The following RABGAP1L variants were observed in gnomAD, a reference collection of about 807,000 sequenced individuals.
The protein encoded by RABGAP1L is rab GTPase-activating protein 1-like.
Under a neutral mutation model 137.7 loss-of-function variants are expected in RABGAP1L, and 63 were observed. That is an observed-to-expected ratio of 0.46 (90% confidence interval 0.37 to 0.56). The LOEUF (loss-of-function observed/expected upper bound fraction) is 0.56. Ranked by LOEUF, RABGAP1L falls within the 20% of genes least tolerant of loss-of-function variation. The pLI is 0.00. For synonymous variants in RABGAP1L, 431 were observed against 433.7 expected, an observed-to-expected ratio of 0.99 and a Z score of 0.08; for missense variants, 1,095 against 1,244.0, an observed-to-expected ratio of 0.88 and a Z score of 1.80.
At chr1:174,519,186 A>C (rs1663138790) in intron 13 of RABGAP1L, among the ~76,000 whole-genome samples, 1 of 149,396 alleles carries the variant, frequency 6.7e-6, no homozygotes, top group Non-Finnish European at 1.5e-5. Flanking sequence ...CCATGTGTAA[A>C]TATATATATA....
intron 19 of RABGAP1L, chr1:174,945,498 C>T (rs1233386403): frequency 6.6e-6 from 1 of 151,982 alleles, no homozygotes; most frequent in African/African-American, 2.4e-5. Context: ...CATAATTTAG[C>T]CCCACATTGA....
At chr1:174,178,384 G>A (rs1313032357) in intron 1 of RABGAP1L, among the ~76,000 whole-genome samples, 1 of 152,072 alleles carries the variant, frequency 6.6e-6, no homozygotes, top group Non-Finnish European at 1.5e-5. Flanking sequence ...ATGGGTGGTG[G>A]CAGTATAAAT....
At chr1:174,324,050 A>T (rs1680238066) in intron 11 of RABGAP1L, among the ~76,000 whole-genome samples, 2 of 152,182 alleles carry the variant, frequency 1.3e-5, no homozygotes, top group African/African-American at 4.8e-5. Context: ...TTGGCGTGTT[A>T]TTAACCTGCA....
intron 18 of RABGAP1L, among the ~76,000 whole-genome samples, chr1:174,789,302 G>A (rs1687679402): frequency 6.6e-6 from 1 of 152,052 alleles, no homozygotes; most frequent in African/African-American, 2.4e-5. Flanking sequence ...AGGAATCACT[G>A]CAATTAACCA....
intron 13 of RABGAP1L, among the ~76,000 whole-genome samples, chr1:174,421,726 C>T (rs1010031797): frequency 1.3e-5 from 2 of 152,186 alleles, no homozygotes; most frequent in Non-Finnish European, 2.9e-5. Context: ...GGTCTTCATA[C>T]TGCCTGATGA....
intron 1 of RABGAP1L, among the ~76,000 whole-genome samples, chr1:174,212,903 A>G (rs1669007781): frequency 6.6e-6 from 1 of 152,216 alleles, no homozygotes; most frequent in Admixed American, 6.5e-5. Context: ...AGTGGTTACT[A>G]TGAGCAACTA....
At chr1:174,628,704 C>CT (rs757362230) in intron 13 of RABGAP1L, among the ~76,000 whole-genome samples, 6 of 152,114 alleles carry the variant, frequency 3.9e-5, no homozygotes, top group Admixed American at 1.3e-4. Flanking sequence ...GTATTGGACT[C>CT]TGAGGTACAA....
At position 174,178,314 on chromosome 1, in the gene RABGAP1L, A is replaced by G. The variant is rs147614021; in HGVS notation, c.-34+18657A>G. 6.8e-3 allele frequency among the ~76,000 whole-genome samples: 1,032 copies of G among 152,172 alleles called. 9 individuals carry two copies. Among genetic ancestry groups the G allele is most frequent in the Non-Finnish European group, 0.011 (747 of 68,006 alleles). On this transcript the variant is annotated intron_variant, in intron 1 of 25. Transcript: ENST00000681986. ...GAATGCTTGTGATTTTTGCACATTG[A>G]TTTTGTATCCTGAGACTTTGCCGAA...
intron 11 of RABGAP1L, among the ~76,000 whole-genome samples, chr1:174,339,437 T>C (rs1681771037): frequency 6.6e-6 from 1 of 152,204 alleles, no homozygotes. Context: ...GGGCTATAAC[T>C]GTACAGTTGG....
At chr1:174,455,948 G>A (rs1462224980) in intron 13 of RABGAP1L, among the ~76,000 whole-genome samples, 1 of 152,064 alleles carries the variant, frequency 6.6e-6, no homozygotes, top group Non-Finnish European at 1.5e-5. Flanking sequence ...CGTGTCTTGT[G>A]TGACAATAAT....
chr1:174,953,978 G>A (rs185291519), intron 19 of RABGAP1L, among the ~76,000 whole-genome samples: 9 of 152,296 alleles, frequency 5.9e-5, no homozygotes, highest in Admixed American at 3.9e-4. Flanking sequence ...TTGATCATCC[G>A]TGGGGACGGT....
At chr1:174,445,555 G>A (rs748145529) in intron 13 of RABGAP1L, among the ~76,000 whole-genome samples, 1 of 152,078 alleles carries the variant, frequency 6.6e-6, no homozygotes, top group African/African-American at 2.4e-5. Flanking sequence ...ATCAAACTCA[G>A]CAATTTTTTG....
At chr1:174,958,332 A>G in intron 20 of RABGAP1L, 2 of 675,312 alleles carry the variant, frequency 3.0e-6, no homozygotes, top group Non-Finnish European at 4.2e-6. Flanking sequence ...GGTAATTAGC[A>G]ACACTGTTCC....
At chr1:174,843,380 C>T (rs1488808999) in intron 19 of RABGAP1L, among the ~76,000 whole-genome samples, 14 of 151,344 alleles carry the variant, frequency 9.3e-5, no homozygotes, top group Non-Finnish European at 1.5e-4. Flanking sequence ...CTCCCCTCTC[C>T]CCCCACCCCA....
At chr1:174,241,068 C>A (rs886939233) in intron 4 of RABGAP1L, among the ~76,000 whole-genome samples, 1 of 152,104 alleles carries the variant, frequency 6.6e-6, no homozygotes, top group East Asian at 1.9e-4. Flanking sequence ...CGCCTGTAAT[C>A]CTAGCACTTT....
intron 18 of RABGAP1L, among the ~76,000 whole-genome samples, chr1:174,809,950 T>G (rs1178839865): frequency 6.6e-6 from 1 of 152,228 alleles, no homozygotes; most frequent in Non-Finnish European, 1.5e-5. Flanking sequence ...CTCCACCACT[T>G]GTTGCTATTG....
chr1:174,463,257 T>C (rs542099483), intron 13 of RABGAP1L, among the ~76,000 whole-genome samples: 7,928 of 151,762 alleles, frequency 0.052, 654 homozygotes, highest in African/African-American at 0.18. Context: ...GACTTGGAAC[T>C]AACCCAAATG....
intron 13 of RABGAP1L, among the ~76,000 whole-genome samples, chr1:174,575,446 C>T (rs1305915209): frequency 6.6e-6 from 1 of 152,156 alleles, no homozygotes; most frequent in Non-Finnish European, 1.5e-5. Flanking sequence ...GAAGGAACCT[C>T]ATTCCATCCC....
Position 174,298,037 on chromosome 1 carries a change from CAG to C in RABGAP1L, c.1324-6946_1324-6945del, listed in dbSNP as rs564529325. Among the ~76,000 whole-genome samples the C allele has an allele frequency of 2.0e-5, 3 of 151,896 alleles. No individual in the cohort carries two copies. The South Asian group carries it at 6.2e-4, about 32-fold the overall frequency. On this transcript the variant is annotated intron_variant, in intron 10 of 25. Coordinates refer to ENST00000681986, the MANE Select transcript of RABGAP1L (RefSeq NM_001366446.1). ...CAGTCACCTATCAGTGAAGAGAGGA[CAG>C]AGGAGAAAAAAGGAAAAAAGAGGGT...
Sources: gnomAD v4.1 joint callset for allele counts (sites outside exome capture counted in the v4.1 genomes callset) on GRCh38, gnomAD v4.1.1 for gene constraint, MANE v1.5 for transcripts, NCBI Gene and HGNC (gene_info 2026-07-23, HGNC 2026-07-21) for gene names.